The following MYL3 variants were observed in gnomAD, a reference collection of about 807,000 sequenced individuals.
The protein encoded by MYL3 is CMLC1.
In MYL3, 11 loss-of-function variants were observed where a neutral mutation model predicts 21.3. The ratio of observed to expected loss-of-function variants is 0.52; its 90% confidence interval spans 0.32 to 0.85. The LOEUF is 0.85. Ranked by LOEUF, MYL3 falls within the 40% of genes least tolerant of loss-of-function variation. MYL3 has a pLI of 0.03. For synonymous variants in MYL3, 88 were observed against 91.6 expected (o/e 0.96, Z 0.22); for missense variants, 206 against 253.3 (o/e 0.81, Z 1.27).
rs1258296450 is a variant in MYL3 at position 46,859,757 on chromosome 3, A to G, written c.308-109T>C. The G allele has an allele frequency of 7.9e-7, 1 of 1,267,972 alleles. No individual in the cohort carries two copies. Among genetic ancestry groups the G allele is most frequent in the Admixed American group, 1.7e-5 (1 of 58,484 alleles). The allele number at this position is 1,267,972 out of a possible 1,614,324, so 78.5% of individuals were successfully genotyped here. ...CCCACCTCTCACACAGTTCTACAAC[A>G]GTCTACACCAGTTCTCACAGCAGTC... On this transcript the variant is annotated intron_variant, in intron 3 of 6. Coordinates refer to ENST00000292327, the MANE Select transcript of MYL3 (RefSeq NM_000258.3). This position sits in a 1 kb window ranked among gnomAD's most constrained non-coding sequence, Gnocchi z 4.1.
At position 46,858,215 on chromosome 3, in the gene MYL3, G is replaced by T. The variant is rs1701950969; in HGVS notation, c.*13+16C>A. The T allele has an allele frequency of 6.2e-7, 1 of 1,614,036 alleles. No homozygotes were observed. Among genetic ancestry groups the T allele is most frequent in the Middle Eastern group, 1.7e-4 (1 of 6,044 alleles). ...GCAGGTGGCAGCAGCGGGTTCAGGA[G>T]GGAGTGGGTGCCTACCTGGGCACGA... On this transcript the variant is annotated intron_variant, in intron 6 of 6. Coordinates refer to ENST00000292327, the MANE Select transcript of MYL3 (RefSeq NM_000258.3).
chr3:46,858,562 T>G, intron 4 of MYL3, 101 bp from the exon 5 acceptor site: 1 of 1,101,306 alleles, frequency 9.1e-7, no homozygotes, highest in Non-Finnish European at 1.3e-6. Flanking sequence ...ACCTCTCCAG[T>G]ATTCCCACAA....
In MYL3 at chr3:46,859,721, G is replaced by A. The variant is rs1701970171; in HGVS notation, c.308-73C>T. On this transcript the variant is annotated intron_variant, in intron 3 of 6. Coordinates refer to ENST00000292327, the MANE Select transcript of MYL3 (RefSeq NM_000258.3). This position sits in a 1 kb window ranked among gnomAD's most constrained non-coding sequence, Gnocchi z 4.1. ...ACACCCCTCCCCCATGCCTGATAAT[G>A]AGGAGCTATCCCCACCTCTCACACA... 1 of 1,533,610 alleles carries A rather than the reference G, an allele frequency of 6.5e-7. No homozygotes were observed. Among genetic ancestry groups the A allele is most frequent in the Non-Finnish European group, 9.0e-7 (1 of 1,107,790 alleles).
At chr3:46,880,726 TGAA>T (rs541243988) in intron 1 of MYL3, among the ~76,000 whole-genome samples, 40 of 151,542 alleles carry the variant, frequency 2.6e-4, no homozygotes, top group African/African-American at 6.6e-4. Flanking sequence ...GACTTTGTCT[TGAA>T]GAAGAAGAAG....
intron 1 of MYL3, among the ~76,000 whole-genome samples, chr3:46,871,847 C>G (rs7621046): frequency 0.36 from 55,309 of 152,076 alleles, 13,392 homozygotes; most frequent in African/African-American, 0.68. Context: ...GTCTGGAGCT[C>G]GGTTGGATGA....
Position 46,861,061 on chromosome 3 carries a change from G to T in MYL3, c.130-74C>A. 1.5e-5 allele frequency: 23 copies of T among 1,533,556 alleles called. No homozygotes were observed. Among genetic ancestry groups the T allele is most frequent in the Non-Finnish European group, 2.0e-5 (22 of 1,108,812 alleles). 95.0% of individuals were successfully genotyped at this position (1,533,556 alleles called of 1,614,324 possible). A position where few individuals can be genotyped will look rare whatever the true frequency, so the allele number is the denominator to read the frequency against. Reference sequence around the variant, plus strand: ...CACACCTCCTCCTGGGCACTCGGTGGCCAGCCCAGAATGTCAACTGTCTCA... The same window carrying T: ...CACACCTCCTCCTGGGCACTCGGTGTCCAGCCCAGAATGTCAACTGTCTCA... On this transcript the variant is annotated intron_variant, in intron 1 of 6. Transcript: ENST00000292327. This position sits in a 1 kb window ranked among gnomAD's most constrained non-coding sequence, Gnocchi z 4.2.
chr3:46,880,714 G>A (rs896846159), intron 1 of MYL3, among the ~76,000 whole-genome samples: 2 of 152,048 alleles, frequency 1.3e-5, no homozygotes, highest in African/African-American at 2.4e-5. Flanking sequence ...GTGACAAAGT[G>A]AGACTTTGTC....
chr3:46,872,720 C>G (rs1029399725), intron 1 of MYL3, among the ~76,000 whole-genome samples: 1 of 152,244 alleles, frequency 6.6e-6, no homozygotes, highest in Non-Finnish European at 1.5e-5. Flanking sequence ...TCTCTGCCAG[C>G]TCCAGGTTCA....
At chr3:46,878,076 C>T (rs1317734631) in intron 1 of MYL3, among the ~76,000 whole-genome samples, 3 of 152,204 alleles carry the variant, frequency 2.0e-5, no homozygotes, top group African/African-American at 7.2e-5. Context: ...CTTAGGAGTG[C>T]TCCCTGGTTG....
upstream of MYL3, among the ~76,000 whole-genome samples, chr3:46,864,066 G>A (rs181329583): frequency 2.7e-3 from 418 of 152,000 alleles, 4 homozygotes; most frequent in Non-Finnish European, 4.5e-3. The surrounding 1 kb of genome is among the most constrained non-coding windows in gnomAD (Gnocchi z 4.7). Flanking sequence ...TCCGTGGTGG[G>A]GGGCTCTGTG....
rs1459430036 is a variant in MYL3 at position 46,879,286 on chromosome 3, GT to G, written c.-218+2787del. Among the ~76,000 whole-genome samples, 1 of 152,188 alleles carries G rather than the reference GT, an allele frequency of 6.6e-6. No individual in the cohort carries two copies. The highest frequency in any genetic ancestry group is 6.5e-5 in the Admixed American group (1 of 15,286). On this transcript the variant is annotated intron_variant, in intron 1 of 3. Transcript: ENST00000431168. The surrounding 1 kb of genome is among the most constrained non-coding windows in gnomAD (Gnocchi z 4.7). ...CAAGTAGTATGTTTCCAAATCTCAA[GT>G]TTTCCCTGGTGTCAGATCTGAAAAG...
At chr3:46,870,483 C>T (rs915735491) in intron 1 of MYL3, among the ~76,000 whole-genome samples, 3 of 152,032 alleles carry the variant, frequency 2.0e-5, no homozygotes, top group Non-Finnish European at 4.4e-5. Context: ...ATGGTGGCCC[C>T]CTACACCCAG....
intron 1 of MYL3, among the ~76,000 whole-genome samples, chr3:46,875,953 C>T (rs577321219): frequency 6.6e-6 from 1 of 152,374 alleles, no homozygotes; most frequent in Admixed American, 6.5e-5. Context: ...ATACAACTTC[C>T]TGTCCCCGGA....
intron 1 of MYL3, among the ~76,000 whole-genome samples, chr3:46,873,829 T>C (rs372919222): frequency 1.8e-4 from 27 of 152,244 alleles, no homozygotes; most frequent in African/African-American, 5.8e-4. Context: ...GCCCCAGAGA[T>C]AGAGCAGAGG....
At chr3:46,881,879 G>C (rs913643473) in intron 1 of MYL3, among the ~76,000 whole-genome samples, 1 of 152,120 alleles carries the variant, frequency 6.6e-6, no homozygotes, top group Non-Finnish European at 1.5e-5. Flanking sequence ...CCTCCTCAGG[G>C]GATTCGCCCA....
intron 1 of MYL3, among the ~76,000 whole-genome samples, chr3:46,869,312 C>A (rs184508703): frequency 6.6e-6 from 1 of 152,196 alleles, no homozygotes; most frequent in Non-Finnish European, 1.5e-5. Flanking sequence ...GGCTCAGCAG[C>A]GGCCTGAAAT....
intron 1 of MYL3, among the ~76,000 whole-genome samples, chr3:46,872,866 G>A (rs1294026855): frequency 6.6e-6 from 1 of 152,236 alleles, no homozygotes; most frequent in Non-Finnish European, 1.5e-5. Flanking sequence ...TTCCAACAAT[G>A]AAGGGATCTG....
upstream of MYL3, among the ~76,000 whole-genome samples, chr3:46,866,226 C>T (rs1702047271): frequency 6.6e-6 from 1 of 152,200 alleles, no homozygotes; most frequent in South Asian, 2.1e-4. Flanking sequence ...AGGAGTCAGC[C>T]TAGCAGGCAG....
chr3:46,872,535 A>G (rs1201179716), intron 1 of MYL3, among the ~76,000 whole-genome samples: 1 of 152,034 alleles, frequency 6.6e-6, no homozygotes, highest in Non-Finnish European at 1.5e-5. Context: ...CAGGAAAACA[A>G]GGAGAAACCA....
Sources: allele counts gnomAD v4.1 joint callset (sites outside exome capture counted in the v4.1 genomes callset), GRCh38; gene constraint gnomAD v4.1.1; non-coding constraint Gnocchi (gnomAD v3.1); transcripts MANE v1.5; gene names NCBI Gene and HGNC (gene_info 2026-07-23, HGNC 2026-07-21).